The following CELF2 variants were observed in gnomAD, a reference collection of about 807,000 sequenced individuals.
CELF2 encodes the protein CUGBP Elav-like family member 2, also known as CUG triplet repeat RNA-binding protein 2.
A neutral mutation model predicts 62.6 loss-of-function variants in CELF2; 8 were observed. The ratio of observed to expected loss-of-function variants is 0.13; its 90% CI spans 0.07 to 0.23. The LOEUF is 0.23. Among genes scored for constraint, CELF2 ranks in the 10% least tolerant of loss-of-function variants. The probability of loss-of-function intolerance (pLI) is 1.00; values close to 1 mark genes in which losing one functional copy is unlikely to be tolerated. For synonymous variants in CELF2, 258 were observed against 250.0 expected (o/e 1.03, Z -0.30); for missense variants, 333 against 671.0 (o/e 0.50, Z 5.56).
intron 1 of CELF2, among the ~76,000 whole-genome samples, chr10:11,027,994 A>G (rs1209620411): frequency 6.6e-6 from 1 of 152,210 alleles, no homozygotes; most frequent in Non-Finnish European, 1.5e-5. Context: ...ATGGAACTTC[A>G]TTGCAGCTGA....
the CELF2 span, among the ~76,000 whole-genome samples, chr10:10,532,837 G>T: frequency 8.3e-6 from 1 of 121,078 alleles, no homozygotes; most frequent in East Asian, 2.3e-4. Context: ...TGATACAAGA[G>T]AAAAAAAATT....
chr10:10,628,798 T>G, the CELF2 span, among the ~76,000 whole-genome samples: 1 of 152,118 alleles, frequency 6.6e-6, no homozygotes, highest in Non-Finnish European at 1.5e-5. Context: ...ACCTGCACAT[T>G]GTGCACATGT....
chr10:11,131,430 A>G (rs1442180699), intron 1 of CELF2, among the ~76,000 whole-genome samples: 1 of 152,200 alleles, frequency 6.6e-6, no homozygotes, highest in Admixed American at 6.5e-5. Context: ...GAATAGAGTC[A>G]TGTTAACTGT....
In CELF2 at chr10:11,334,906, G is replaced by T. The variant is rs902222757; in HGVS notation, c.*5853G>T. 1.3e-5 allele frequency: 2 copies of T among 152,198 alleles called. No homozygotes were observed. Among genetic ancestry groups the T allele is most frequent in the Non-Finnish European group, 2.9e-5 (2 of 68,030 alleles). The allele number at this position is 152,198 out of a possible 1,614,324, so 9.4% of individuals were successfully genotyped here. A position where few individuals can be genotyped will look rare whatever the true frequency, so the allele number is the denominator to read the frequency against. ...TATTATTTGTTGCCCTCAATCAAAA[G>T]ATATGTATAGAAAAGTCATTTAAAT... On this transcript the variant is annotated 3_prime_UTR_variant, in exon 13 of 13. Coordinates refer to ENST00000633077, the MANE Select transcript of CELF2 (RefSeq NM_001326342.2).
chr10:10,821,228 G>A (rs552572483), intron 1 of CELF2, among the ~76,000 whole-genome samples: 1 of 152,174 alleles, frequency 6.6e-6, no homozygotes, highest in Non-Finnish European at 1.5e-5. Context: ...CAAAGAGAGA[G>A]CTTCCAGGTG....
chr10:11,299,943 AT>A (rs934661937), intron 9 of CELF2, among the ~76,000 whole-genome samples: 1 of 151,998 alleles, frequency 6.6e-6, no homozygotes, highest in African/African-American at 2.4e-5. Context: ...AAGAGGTTTG[AT>A]TTTTCCCTCT....
At chr10:11,115,004 A>T (rs2143495699) in intron 1 of CELF2, among the ~76,000 whole-genome samples, 1 of 152,330 alleles carries the variant, frequency 6.6e-6, no homozygotes, top group East Asian at 1.9e-4. Flanking sequence ...GTAGGGCCTC[A>T]ATAAACATTT....
chr10:11,186,044 T>G (rs2134214675), intron 2 of CELF2, among the ~76,000 whole-genome samples: 1 of 152,346 alleles, frequency 6.6e-6, no homozygotes, highest in South Asian at 2.1e-4. Flanking sequence ...TTCTATATTT[T>G]TCTTTGAGTG....
chr10:10,949,268 C>A (rs2048034184), intron 2 of CELF2, among the ~76,000 whole-genome samples: 1 of 152,080 alleles, frequency 6.6e-6, no homozygotes, highest in South Asian at 2.1e-4. Context: ...CTCCCAAAGC[C>A]CCTGCACTTT....
In CELF2 at chr10:11,018,014, C is replaced by G; in HGVS notation, c.-76C>G. On this transcript the variant is annotated 5_prime_UTR_variant, in exon 1 of 13. Coordinates refer to ENST00000633077, the MANE Select transcript of CELF2 (RefSeq NM_001326342.2). Reference sequence around the variant, plus strand: ...GAGGCCGCGCGCACCTGTCCCTGCCCGTCTCGCGCCGCCCGCGGCCGCTCG... The same window carrying G: ...GAGGCCGCGCGCACCTGTCCCTGCCGGTCTCGCGCCGCCCGCGGCCGCTCG... The G allele has an allele frequency of 9.4e-7, 1 of 1,060,810 alleles. No individual in the cohort carries two copies. Among genetic ancestry groups the G allele is most frequent in the Middle Eastern group, 3.2e-4 (1 of 3,168 alleles). The allele number at this position is 1,060,810 out of a possible 1,614,324, so 65.7% of individuals were successfully genotyped here.
At chr10:10,547,692 A>AGAGAGTGT in the CELF2 span, among the ~76,000 whole-genome samples, 1,477 of 138,062 alleles carry the variant, frequency 0.011, 23 homozygotes, top group African/African-American at 0.031. Flanking sequence ...AGAGAGAGAG[A>AGAGAGTGT]GTGTGTGTGT....
At chr10:10,735,452 C>G in the CELF2 span, among the ~76,000 whole-genome samples, 1 of 152,030 alleles carries the variant, frequency 6.6e-6, no homozygotes, top group African/African-American at 2.4e-5. Flanking sequence ...AATTTTAGCA[C>G]CTCAGAGAGA....
chr10:10,900,988 A>C (rs2062898983), intron 1 of CELF2, among the ~76,000 whole-genome samples: 2 of 152,234 alleles, frequency 1.3e-5, no homozygotes, highest in Admixed American at 1.3e-4. Flanking sequence ...AAAGAGGTGA[A>C]AATCTGTACA....
chr10:10,930,275 T>C (rs1424465904), intron 2 of CELF2, among the ~76,000 whole-genome samples: 1 of 152,248 alleles, frequency 6.6e-6, no homozygotes, highest in Non-Finnish European at 1.5e-5. Context: ...GAAATTATAC[T>C]GGTGATCTCC....
intron 1 of CELF2, among the ~76,000 whole-genome samples, chr10:10,876,723 T>C (rs2061120477): frequency 6.6e-6 from 1 of 152,264 alleles, no homozygotes; most frequent in African/African-American, 2.4e-5. Context: ...TACGGGATCA[T>C]GTCTCTTATG....
At chr10:10,975,992 G>A (rs2051297866) in intron 2 of CELF2, among the ~76,000 whole-genome samples, 1 of 152,216 alleles carries the variant, frequency 6.6e-6, no homozygotes, top group Non-Finnish European at 1.5e-5. Context: ...GAACTTTCTG[G>A]GAAAGGGGCA....
chr10:10,714,022 G>A, the CELF2 span, among the ~76,000 whole-genome samples: 1 of 151,878 alleles, frequency 6.6e-6, no homozygotes, highest in South Asian at 2.1e-4. Flanking sequence ...GCAACAGAGT[G>A]AGAATCCATC....
At chr10:10,620,079 A>G in the CELF2 span, among the ~76,000 whole-genome samples, 1 of 152,194 alleles carries the variant, frequency 6.6e-6, no homozygotes, top group Non-Finnish European at 1.5e-5. Flanking sequence ...TAGAAAAAAA[A>G]TGTTTCTAAT....
At chr10:11,113,404 G>A (rs964044758) in intron 1 of CELF2, among the ~76,000 whole-genome samples, 1 of 152,102 alleles carries the variant, frequency 6.6e-6, no homozygotes, top group African/African-American at 2.4e-5. Flanking sequence ...TATAGGAGGC[G>A]TTCTCCTCTA....
Sources: gnomAD v4.1 joint callset for allele counts (sites outside exome capture counted in the v4.1 genomes callset) on GRCh38, gnomAD v4.1.1 for gene constraint, MANE v1.5 for transcripts, NCBI Gene and HGNC (gene_info 2026-07-23, HGNC 2026-07-21) for gene names.